Variants in GPC1 observed in about 807,000 individuals in gnomAD.
The protein encoded by GPC1 is glypican 1.
GPC1 carries 26 observed loss-of-function variants against 51.5 expected under a neutral mutation model. The observed-to-expected ratio is 0.50, with a 90% CI of 0.37 to 0.70. The LOEUF (loss-of-function observed/expected upper bound fraction) is 0.70, where lower values mean the gene tolerates loss of function less well. GPC1 is among the 30% of genes least tolerant of loss of function. The pLI is 0.00. For missense variants in GPC1, 775 were observed against 800.5 expected (o/e 0.97, Z 0.38); for synonymous variants, 380 against 348.3 (o/e 1.09, Z -1.01).
In GPC1 at chr2:240,462,378, C is replaced by G. The variant is rs758327824; in HGVS notation, c.513C>G (p.Leu171=). 76 of 1,593,214 alleles carry G rather than the reference C, an allele frequency of 4.8e-5. No homozygotes were observed. The highest frequency in any genetic ancestry group is 6.0e-5 in the Non-Finnish European group (70 of 1,170,628). ...ETLAEFWARL[L]ERLFKQLHPQ... is the part of the protein sequence containing the mutation. ...TGGCCGAGTTCTGGGCCCGCCTGCT[C>G]GAGCGCCTCTTCAAGCAGCTGCACC... The change falls in exon 3 of 9, where the codon CTC becomes CTG. Residue 171 remains leucine, a synonymous_variant. Transcript: ENST00000264039.
At chr2:240,441,257 T>A (rs2074014959) in intron 1 of GPC1, among the ~76,000 whole-genome samples, 1 of 152,240 alleles carries the variant, frequency 6.6e-6, no homozygotes, top group Non-Finnish European at 1.5e-5. Context: ...CCCATGTCTG[T>A]TCTATGGCAT....
intron 1 of GPC1, chr2:240,456,004 G>A (rs1035742243): frequency 2.1e-5 from 9 of 430,158 alleles, no homozygotes; most frequent in South Asian, 4.9e-5. Context: ...CTCCCAGGCC[G>A]GCGCCCGAGC....
chr2:240,436,018 G>A lies in GPC1; in HGVS notation c.100G>A (p.Glu34Lys). The part of the protein sequence containing the change: ...DPASKSRSCG[E>K]VRQIYGAKGF... ...GGCCAGCAAGAGCCGGAGCTGCGGCGAGGTCCGCCAGATCTACGGAGCCAA... is the reference window on the plus strand; with the variant it reads ...GGCCAGCAAGAGCCGGAGCTGCGGCAAGGTCCGCCAGATCTACGGAGCCAA... Residue 34 changes from glutamate to lysine, a missense_variant, in exon 1 of 9, where the codon GAG becomes AAG. Glu to Lys is a moderately conservative substitution (Grantham distance 56). Transcript: ENST00000264039. 7.2e-7 allele frequency: 1 copy of A among 1,385,924 alleles called. No individual in the cohort carries two copies. Among genetic ancestry groups the A allele is most frequent in the Non-Finnish European group, 9.4e-7 (1 of 1,067,006 alleles). 85.9% of individuals were successfully genotyped at this position (1,385,924 alleles called of 1,614,324 possible). A position where few individuals can be genotyped will look rare whatever the true frequency, so the allele number is the denominator to read the frequency against.
chr2:240,453,318 C>T (rs1281034188), intron 1 of GPC1, among the ~76,000 whole-genome samples: 1 of 4,570 alleles, frequency 2.2e-4, no homozygotes. Flanking sequence ...GCTCCCACCG[C>T]CCGCCCCGCT....
At chr2:240,443,098 C>G (rs1409730158) in intron 1 of GPC1, among the ~76,000 whole-genome samples, 3 of 152,262 alleles carry the variant, frequency 2.0e-5, no homozygotes, top group African/African-American at 4.8e-5. Flanking sequence ...TGTTCCAGGT[C>G]TAGTGGTACA....
rs185488577 is a variant in GPC1, at chr2:240,451,641, G to A, written c.167-7389G>A. On this transcript the variant is annotated intron_variant, in intron 1 of 8. Coordinates refer to ENST00000264039, the MANE Select transcript of GPC1 (RefSeq NM_002081.3). ...GGCTCTGCCTTACAGCCAAGACACC[G>A]GGTCCTGGGTGTGGCAGGAGGTTCG... 34 of 224,620 alleles carry A rather than the reference G, an allele frequency of 1.5e-4. No homozygotes were observed. In the East Asian group the frequency reaches 3.5e-3, roughly 23 times the overall value. 13.9% of individuals were successfully genotyped at this position (224,620 alleles called of 1,614,324 possible). A position where few individuals can be genotyped will look rare whatever the true frequency, so the allele number is the denominator to read the frequency against.
rs2074254099 is a variant in GPC1 at position 240,465,553 on chromosome 2, A to C, written c.1349A>C (p.Asp450Ala). 2 of 1,613,200 alleles carry C rather than the reference A, an allele frequency of 1.2e-6. No individual in the cohort carries two copies. Among genetic ancestry groups the C allele is most frequent in the Non-Finnish European group, 1.7e-6 (2 of 1,179,996 alleles). ...PEVEVDITKP[D>A]MTIRQQIMQL... ...GTGGAGGTGGACATCACCAAGCCGG[A>C]CATGACCATCCGGCAGCAGATCATG... Residue 450 changes from aspartate (D) to alanine (A), a missense_variant, in exon 8 of 9, where the codon GAC becomes GCC. Coordinates refer to ENST00000264039, the MANE Select transcript of GPC1 (RefSeq NM_002081.3).
At chr2:240,453,071 C>A in intron 1 of GPC1, 2 of 322,066 alleles carry the variant, frequency 6.2e-6, no homozygotes, top group South Asian at 2.2e-5. Context: ...GGACCTCTCC[C>A]GCAGCGCCAC....
chr2:240,453,065 C>G (rs2074116231), intron 1 of GPC1: 2 of 325,870 alleles, frequency 6.1e-6, no homozygotes, highest in Admixed American at 4.5e-5. Flanking sequence ...GCCCGAGGAC[C>G]TCTCCCGCAG....
At chr2:240,451,096 G>A (rs963448797) in intron 1 of GPC1, 11 of 470,362 alleles carry the variant, frequency 2.3e-5, no homozygotes, top group Non-Finnish European at 4.0e-5. Context: ...GGAGGTGAGC[G>A]GCCGAGTTCC....
intron 1 of GPC1, among the ~76,000 whole-genome samples, chr2:240,440,188 C>A (rs531368303): frequency 6.6e-6 from 1 of 152,210 alleles, no homozygotes; most frequent in South Asian, 2.1e-4. Context: ...CACACACACC[C>A]CTCTCAGTTA....
At position 240,463,639 on chromosome 2, in the gene GPC1, G is replaced by C. The variant is rs921401465; in HGVS notation, c.883+127G>C. 9.2e-6 allele frequency: 7 copies of C among 762,120 alleles called. No homozygotes were observed. In the African/African-American group the frequency reaches 1.0e-4, roughly 11 times the overall value. The allele number at this position is 762,120 out of a possible 1,614,324, so 47.2% of individuals were successfully genotyped here. ...GACCTGATCAGGGATGCCCTGACCCGGGCCAGATCTGGGTGGTGCTGCAGG... is the reference window on the plus strand; with the variant it reads ...GACCTGATCAGGGATGCCCTGACCCCGGCCAGATCTGGGTGGTGCTGCAGG... On this transcript the variant is annotated intron_variant, in intron 4 of 8. Transcript: ENST00000264039.
At chr2:240,446,473 G>T (rs1283205114) in intron 1 of GPC1, among the ~76,000 whole-genome samples, 1 of 152,218 alleles carries the variant, frequency 6.6e-6, no homozygotes, top group South Asian at 2.1e-4. Flanking sequence ...CAAGTAAAGG[G>T]GTGTGACATG....
intron 1 of GPC1, chr2:240,451,619 T>G: frequency 4.1e-6 from 1 of 243,336 alleles, no homozygotes; most frequent in Non-Finnish European, 8.1e-6. Flanking sequence ...AAGAGTGGGC[T>G]CTGCCTTACA....
chr2:240,435,822 A>C lies in GPC1; in HGVS notation c.-97A>C. 2 of 787,114 alleles carry C rather than the reference A, an allele frequency of 2.5e-6. No homozygotes were observed. The highest frequency in any genetic ancestry group is 3.4e-6 in the Non-Finnish European group (2 of 592,006). 48.8% of individuals were successfully genotyped at this position (787,114 alleles called of 1,614,324 possible). On this transcript the variant is annotated 5_prime_UTR_variant, in exon 1 of 9. Coordinates refer to ENST00000264039, the MANE Select transcript of GPC1 (RefSeq NM_002081.3). ...TGGACCGCGAGCCGCGCGCGCCGGG[A>C]CCTTGGCTCTGCCCTTCGCGGGCGG...
rs116556346 is a variant in GPC1, at chr2:240,445,236, G to A, written c.166+9152G>A. On this transcript the variant is annotated intron_variant, in intron 1 of 8. Transcript: ENST00000264039. ...TGTTCTATGTGCGTGGCCTCATCCT[G>A]TGGGCAATTTGGGGTGAGGGGTGGC... 7.0e-3 allele frequency among the ~76,000 whole-genome samples: 1,065 copies of A among 152,312 alleles called. 12 individuals are homozygous for A. Among genetic ancestry groups the A allele is most frequent in the African/African-American group, 0.022 (920 of 41,570 alleles).
intron 1 of GPC1, among the ~76,000 whole-genome samples, chr2:240,455,371 C>G (rs1238755719): frequency 2.0e-5 from 3 of 152,194 alleles, no homozygotes; most frequent in Admixed American, 1.3e-4. Flanking sequence ...GGGTCCAGTC[C>G]CTGGCCCAGC....
At chr2:240,465,918 C>A in intron 8 of GPC1, 140 bp from the exon 9 acceptor site, 1 of 634,628 alleles carries the variant, frequency 1.6e-6, no homozygotes, top group Non-Finnish European at 2.8e-6. Context: ...CCTCAGGGGT[C>A]AGCGGGGATC....
At chr2:240,436,158 G>T in intron 1 of GPC1, 74 bp downstream of exon 1, 1 of 1,041,272 alleles carries the variant, frequency 9.6e-7, no homozygotes, top group Non-Finnish European at 1.2e-6. Context: ...TTCCCGACGC[G>T]GCTACTCGCC....
Sources: gnomAD v4.1 joint callset for allele counts (sites outside exome capture counted in the v4.1 genomes callset) on GRCh38, gnomAD v4.1.1 for gene constraint, MANE v1.5 for transcripts, NCBI Gene and HGNC (gene_info 2026-07-23, HGNC 2026-07-21) for gene names.